VPS37B: variants seen among roughly 807,000 people sequenced by gnomAD.
VPS37B encodes the protein VPS37B subunit of ESCRT-I, also known as vacuolar protein sorting-associated protein 37B.
In VPS37B, 11 loss-of-function variants were observed where a neutral mutation model predicts 21.2. The observed-to-expected ratio is 0.52, with a 90% confidence interval of 0.33 to 0.86. VPS37B has a LOEUF of 0.86. Ranked by LOEUF, VPS37B falls within the 40% of genes least tolerant of loss-of-function variation. The pLI is 0.03. For missense variants in VPS37B, 389 were observed against 374.8 expected (o/e 1.04, Z -0.31); for synonymous variants, 175 against 159.6 (o/e 1.10, Z -0.73).
At chr12:122,892,409 T>C (rs1464034371) in intron 1 of VPS37B, among the ~76,000 whole-genome samples, 1 of 152,082 alleles carries the variant, frequency 6.6e-6, no homozygotes, top group African/African-American at 2.4e-5. Flanking sequence ...GTGAATGCCT[T>C]CAAAACCTAG....
At chr12:122,890,459 A>C (rs1454588100) in intron 1 of VPS37B, among the ~76,000 whole-genome samples, 1 of 151,942 alleles carries the variant, frequency 6.6e-6, no homozygotes, top group Non-Finnish European at 1.5e-5. Context: ...AGCCTCCTGA[A>C]TATCTGGGAC....
chr12:122,876,695 G>A (rs1250695646), intron 1 of VPS37B: 1 of 151,022 alleles, frequency 6.6e-6, no homozygotes, highest in African/African-American at 2.4e-5. Flanking sequence ...CTGGGCAACA[G>A]AGTAAGACTC....
intron 1 of VPS37B, chr12:122,872,660 T>C: frequency 4.1e-6 from 4 of 985,436 alleles, no homozygotes; most frequent in South Asian, 4.7e-5. Context: ...TTTCCTTCCA[T>C]TGTTAAGTCA....
chr12:122,887,422 A>T (rs2034344977), intron 1 of VPS37B: 1 of 152,246 alleles, frequency 6.6e-6, no homozygotes, highest in Non-Finnish European at 1.5e-5. Context: ...AGCCCCCACT[A>T]CACCCTGCCC....
At chr12:122,888,516 G>A (rs557515331) in intron 1 of VPS37B, 4 of 455,752 alleles carry the variant, frequency 8.8e-6, no homozygotes, top group Admixed American at 7.1e-5. Flanking sequence ...CTCCCACTGC[G>A]TACCTGGCAT....
At position 122,866,312 on chromosome 12, in the gene VPS37B, TG is replaced by T. The variant is rs2033899050; in HGVS notation, c.*803del. ...TTTATAAAATTTCCCTGAATGGTCTTGGGAGTGTCAAAAAAGTTTTTTCAAT... is the reference window on the plus strand; with the variant it reads ...TTTATAAAATTTCCCTGAATGGTCTTGGAGTGTCAAAAAAGTTTTTTCAAT... On this transcript the variant is annotated 3_prime_UTR_variant, in exon 4 of 4. Coordinates refer to ENST00000267202, the MANE Select transcript of VPS37B (RefSeq NM_024667.3). 1 of 152,616 alleles carries T rather than the reference TG, an allele frequency of 6.6e-6. No individual in the cohort carries two copies. Among genetic ancestry groups the T allele is most frequent in the African/African-American group, 2.4e-5 (1 of 41,446 alleles). 9.5% of individuals were successfully genotyped at this position (152,616 alleles called of 1,614,324 possible).
At position 122,868,614 on chromosome 12, in the gene VPS37B, C is replaced by T. The variant is rs995890026; in HGVS notation, c.284-52G>A. 6 of 1,519,502 alleles carry T rather than the reference C, an allele frequency of 3.9e-6. No individual in the cohort carries two copies. Among genetic ancestry groups the T allele is most frequent in the South Asian group, 2.3e-5 (2 of 87,304 alleles). 94.1% of individuals were successfully genotyped at this position (1,519,502 alleles called of 1,614,324 possible). ...AAAGTGAGAGGTGTCCAGGTAAAGC[C>T]CTTCATGATGCCAACCACGGCAGGA... On this transcript the variant is annotated intron_variant, in intron 2 of 3. Transcript: ENST00000267202. The surrounding 1 kb of genome is among the most constrained non-coding windows in gnomAD (Gnocchi z 5.5).
chr12:122,885,812 T>C (rs956934951), intron 1 of VPS37B: 1 of 149,190 alleles, frequency 6.7e-6, no homozygotes, highest in African/African-American at 2.5e-5. Context: ...GCCTCCCGAG[T>C]AGCTGGGACT....
Position 122,866,896 on chromosome 12 carries a change from C to T in VPS37B, c.*220G>A, listed in dbSNP as rs1205131004. On this transcript the variant is annotated 3_prime_UTR_variant, in exon 4 of 4. Coordinates refer to ENST00000267202, the MANE Select transcript of VPS37B (RefSeq NM_024667.3). ...ACACGGATAATGCAAACCGATGCAACGCACAGGTGTCAGGCTGTAACCCGG... is the reference window on the plus strand; with the variant it reads ...ACACGGATAATGCAAACCGATGCAATGCACAGGTGTCAGGCTGTAACCCGG... The T allele has an allele frequency of 7.0e-5, 33 of 472,406 alleles. No homozygotes were observed. The East Asian group carries it at 9.4e-4, about 13-fold the overall frequency. The allele number at this position is 472,406 out of a possible 1,614,324, so 29.3% of individuals were successfully genotyped here.
At chr12:122,888,578 G>A in intron 1 of VPS37B, 1 of 456,010 alleles carries the variant, frequency 2.2e-6, no homozygotes, top group South Asian at 1.5e-5. Context: ...AGCCAAACAG[G>A]CAACAAGGCC....
In VPS37B at chr12:122,866,815, G is replaced by A. The variant is rs1593901226; in HGVS notation, c.*301C>T. 5.8e-6 allele frequency: 2 copies of A among 346,422 alleles called. No homozygotes were observed. Among genetic ancestry groups the A allele is most frequent in the Non-Finnish European group, 1.0e-5 (2 of 192,510 alleles). The allele number at this position is 346,422 out of a possible 1,614,324, so 21.5% of individuals were successfully genotyped here. ...ACCACGATTCTAAATGGGACTGGGG[G>A]AGAGGCCTATTTCTTCCCAAACATG... On this transcript the variant is annotated 3_prime_UTR_variant, in exon 4 of 4. Coordinates refer to ENST00000267202, the MANE Select transcript of VPS37B (RefSeq NM_024667.3).
chr12:122,891,568 C>T (rs1225026731), intron 1 of VPS37B, among the ~76,000 whole-genome samples: 1 of 152,102 alleles, frequency 6.6e-6, no homozygotes, highest in Admixed American at 6.5e-5. Context: ...GTAAAAGGTC[C>T]ATGGAAAAGA....
intron 1 of VPS37B, chr12:122,885,546 C>A (rs2034308426): frequency 6.6e-6 from 1 of 151,438 alleles, no homozygotes; most frequent in Non-Finnish European, 1.5e-5. Flanking sequence ...AAGGGAACAA[C>A]AAAGGAAAAA....
intron 1 of VPS37B, chr12:122,871,655 A>G: frequency 1.0e-6 from 1 of 985,422 alleles, no homozygotes; most frequent in African/African-American, 1.7e-5. Flanking sequence ...GGGTGAGCAA[A>G]GCCGACCAAA....
chr12:122,869,734 C>A (rs2033985095), intron 2 of VPS37B, among the ~76,000 whole-genome samples: 1 of 152,158 alleles, frequency 6.6e-6, no homozygotes, highest in African/African-American at 2.4e-5. Context: ...AGCACCACCA[C>A]CCCCAGCTTA....
intron 1 of VPS37B, chr12:122,883,634 C>G (rs2034280608): frequency 6.6e-6 from 1 of 152,236 alleles, no homozygotes; most frequent in African/African-American, 2.4e-5. Flanking sequence ...TGTGCACCAC[C>G]ACATCCAGCT....
intron 1 of VPS37B, chr12:122,882,468 G>T (rs963689672): frequency 2.0e-5 from 3 of 152,106 alleles, no homozygotes; most frequent in African/African-American, 7.2e-5. Context: ...TTCCTCTCCA[G>T]ATAAAATTAA....
chr12:122,884,375 G>C (rs1052865018), intron 1 of VPS37B: 2 of 152,174 alleles, frequency 1.3e-5, no homozygotes, highest in African/African-American at 4.8e-5. Context: ...TCACCACCAA[G>C]TTTTCTTTCA....
At position 122,867,101 on chromosome 12, in the gene VPS37B, G is replaced by A; in HGVS notation, c.*15C>T. On this transcript the variant is annotated 3_prime_UTR_variant, in exon 4 of 4. Transcript: ENST00000267202. This position sits in a 1 kb window ranked among gnomAD's most constrained non-coding sequence, Gnocchi z 5.5. ...CCAGGTGGAAGAAGTCTCCCGGGAA[G>A]GACCGCGCCGGCGCTCACTGGAGGA... is the stretch of plus-strand genomic sequence containing the variant. The A allele has an allele frequency of 6.6e-7, 1 of 1,510,338 alleles. No individual in the cohort carries two copies. The highest frequency in any genetic ancestry group is 8.8e-7 in the Non-Finnish European group (1 of 1,134,690). The allele number at this position is 1,510,338 out of a possible 1,614,324, so 93.6% of individuals were successfully genotyped here. A position where few individuals can be genotyped will look rare whatever the true frequency, so the allele number is the denominator to read the frequency against.
Sources: gnomAD v4.1 joint callset for allele counts (sites outside exome capture counted in the v4.1 genomes callset) on GRCh38, gnomAD v4.1.1 for gene constraint, Gnocchi (gnomAD v3.1) non-coding constraint, MANE v1.5 for transcripts, NCBI Gene and HGNC (gene_info 2026-07-23, HGNC 2026-07-21) for gene names.